USP54: variants seen among roughly 807,000 people sequenced by gnomAD.
USP54 encodes the protein ubiquitin carboxyl-terminal hydrolase 54.
Under a neutral mutation model 170.5 loss-of-function variants are expected in USP54, and 87 were observed. The observed-to-expected ratio is 0.51, with a 90% confidence interval of 0.43 to 0.61. USP54 has a LOEUF of 0.61. Ranked by LOEUF, USP54 falls within the 20% of genes least tolerant of loss-of-function variation. The pLI is 0.00. For missense variants in USP54, 1,786 were observed against 2,047.8 expected (o/e 0.87, Z 2.47); for synonymous variants, 655 against 742.8 (o/e 0.88, Z 1.92).
intron 1 of USP54, among the ~76,000 whole-genome samples, chr10:73,582,254 C>T (rs935972924): frequency 1.3e-5 from 2 of 152,034 alleles, no homozygotes; most frequent in Non-Finnish European, 2.9e-5. Flanking sequence ...AGGTTATTAG[C>T]ATAAGAGATT....
At chr10:73,502,095 G>A (rs2133131385) in intron 22 of USP54, among the ~76,000 whole-genome samples, 2 of 152,158 alleles carry the variant, frequency 1.3e-5, no homozygotes, top group South Asian at 4.1e-4. Flanking sequence ...GAACAATGTG[G>A]GCACTTAGTA....
chr10:73,519,500 TAATATATACA>T, intron 19 of USP54: 1 of 372,216 alleles, frequency 2.7e-6, no homozygotes, highest in Non-Finnish European at 5.1e-6. Flanking sequence ...TCTAAGAACA[TAATATATACA>T]AATATAATAA....
In USP54 at chr10:73,615,449, G is replaced by A. The variant is rs141634278; in HGVS notation, c.-18+10118C>T. On this transcript the variant is annotated intron_variant, in intron 1 of 22. Transcript: ENST00000339859. ...GATAATTACAGTCAATAATTTAATT[G>A]TACATTTTTAAATAACTACAAGTAT... is the stretch of plus-strand genomic sequence containing the variant. Among the ~76,000 whole-genome samples, 41 of 150,012 alleles carry A rather than the reference G, an allele frequency of 2.7e-4. No individual in the cohort carries two copies. The South Asian group carries it at 5.5e-3, about 20-fold the overall frequency.
chr10:73,557,690 T>C (rs2071505837), intron 4 of USP54, among the ~76,000 whole-genome samples: 1 of 151,818 alleles, frequency 6.6e-6, no homozygotes, highest in African/African-American at 2.4e-5. Context: ...TTCACCATGT[T>C]GGCCAGGCTG....
intron 4 of USP54, among the ~76,000 whole-genome samples, chr10:73,560,978 G>C (rs1280417161): frequency 1.3e-5 from 2 of 150,860 alleles, no homozygotes; most frequent in Admixed American, 6.6e-5. Flanking sequence ...GGTGGCAGGT[G>C]CCTGTAATCC....
intron 1 of USP54, among the ~76,000 whole-genome samples, chr10:73,601,503 CTT>C (rs11365475): frequency 1.2e-3 from 171 of 146,724 alleles, no homozygotes; most frequent in African/African-American, 2.0e-3. Flanking sequence ...CCAAAAATGC[CTT>C]TTTTTTTTTT....
chr10:73,543,160 C>T (rs2066981943), intron 5 of USP54, 29 bp from the exon 6 acceptor site: 3 of 1,480,514 alleles, frequency 2.0e-6, no homozygotes, highest in Non-Finnish European at 2.8e-6. Flanking sequence ...AAGCAGTATA[C>T]CAACAATATT....
upstream of USP54, chr10:73,625,786 T>G (rs1452165262): frequency 6.6e-6 from 1 of 151,332 alleles, no homozygotes; most frequent in Non-Finnish European, 1.5e-5. Context: ...CGGCGCCGCG[T>G]CCCTGTACCC....
At chr10:73,546,868 G>A (rs978707901) in intron 4 of USP54, among the ~76,000 whole-genome samples, 6 of 152,064 alleles carry the variant, frequency 3.9e-5, no homozygotes, top group African/African-American at 7.2e-5. Flanking sequence ...AAGACACAAT[G>A]CCAACTTATA....
At chr10:73,620,604 T>C (rs747081774) in intron 1 of USP54, among the ~76,000 whole-genome samples, 2 of 146,190 alleles carry the variant, frequency 1.4e-5, no homozygotes, top group African/African-American at 2.6e-5. Context: ...ATTACAGACA[T>C]AATCTCACGT....
intron 16 of USP54, 104 bp from the exon 17 acceptor site, chr10:73,523,854 T>C: frequency 1.4e-6 from 1 of 708,866 alleles, no homozygotes; most frequent in Admixed American, 3.1e-5. Context: ...ATTCTTGCTT[T>C]CAATTTGGAG....
intron 1 of USP54, among the ~76,000 whole-genome samples, chr10:73,615,923 A>AAAAG (rs1442506751): frequency 1.3e-5 from 2 of 148,644 alleles, no homozygotes; most frequent in Non-Finnish European, 2.9e-5. Context: ...AAAAAAAAAA[A>AAAAG]AGGCCCAGCA....
intron 17 of USP54, 139 bp downstream of exon 17, chr10:73,523,444 G>C: frequency 9.6e-7 from 1 of 1,040,204 alleles, no homozygotes; most frequent in Non-Finnish European, 1.4e-6. Context: ...ACTCTAACTT[G>C]TTCTCACTGG....
chr10:73,540,880 G>A (rs1179007685), intron 9 of USP54, among the ~76,000 whole-genome samples: 1 of 152,084 alleles, frequency 6.6e-6, no homozygotes, highest in Non-Finnish European at 1.5e-5. Context: ...AATAACAAAG[G>A]TTTTCTTTAG....
At chr10:73,514,599 C>G (rs867081557) in intron 20 of USP54, among the ~76,000 whole-genome samples, 1 of 151,818 alleles carries the variant, frequency 6.6e-6, no homozygotes, top group Middle Eastern at 3.4e-3. Flanking sequence ...TTCTTGCTTC[C>G]TTAGATAGAA....
intron 4 of USP54, 131 bp from the exon 5 acceptor site, chr10:73,545,803 G>T: frequency 3.0e-6 from 3 of 988,914 alleles, no homozygotes; most frequent in African/African-American, 1.6e-5. Context: ...GGGTTGACAT[G>T]CTTGCAGTTA....
intron 22 of USP54, among the ~76,000 whole-genome samples, chr10:73,503,069 A>G (rs1300925968): frequency 6.6e-6 from 1 of 152,110 alleles, no homozygotes; most frequent in African/African-American, 2.4e-5. Context: ...ACTTACTGTG[A>G]CATACAGGGC....
intron 1 of USP54, among the ~76,000 whole-genome samples, chr10:73,590,278 A>G (rs186189604): frequency 6.6e-6 from 1 of 152,262 alleles, no homozygotes; most frequent in East Asian, 1.9e-4. Context: ...CCCAGCACTT[A>G]CCTCATATTA....
intron 12 of USP54, among the ~76,000 whole-genome samples, chr10:73,531,459 A>T (rs901864588): frequency 3.3e-5 from 5 of 152,202 alleles, no homozygotes; most frequent in East Asian, 3.9e-4. Flanking sequence ...AAGATTATAT[A>T]AAAATGTCAG....
Sources: gnomAD v4.1 joint callset for allele counts (sites outside exome capture counted in the v4.1 genomes callset) on GRCh38, gnomAD v4.1.1 for gene constraint, MANE v1.5 for transcripts, NCBI Gene and HGNC (gene_info 2026-07-23, HGNC 2026-07-21) for gene names.